The following C16orf74 variants were observed in gnomAD, a reference collection of about 807,000 sequenced individuals.
C16orf74 encodes calcimembrin.
In C16orf74, 10 loss-of-function variants were observed where a neutral mutation model predicts 6.5. That is an observed-to-expected ratio of 1.54 (90% CI 0.95 to 2.61). C16orf74 has a LOEUF of 2.61. Ranked by LOEUF, C16orf74 falls within the 30% of genes most tolerant of loss-of-function variation. The pLI, the probability that C16orf74 is intolerant of heterozygous loss-of-function variation, is 0.00. For missense variants in C16orf74, 141 were observed against 105.9 expected (o/e 1.33, Z -1.45); for synonymous variants, 60 against 42.5 (o/e 1.41, Z -1.60).
intron 2 of C16orf74, among the ~76,000 whole-genome samples, chr16:85,726,298 G>A (rs1294976045): frequency 6.6e-6 from 1 of 152,220 alleles, no homozygotes; most frequent in Non-Finnish European, 1.5e-5. Flanking sequence ...AGGGCTGAGT[G>A]TGCTGCCTGG....
At chr16:85,719,022 G>T (rs2054052656) in intron 2 of C16orf74, among the ~76,000 whole-genome samples, 1 of 152,228 alleles carries the variant, frequency 6.6e-6, no homozygotes, top group Non-Finnish European at 1.5e-5. Context: ...AATGGCCAGG[G>T]GCTTGGGAAG....
rs771741917 is a variant in C16orf74 at position 85,710,183 on chromosome 16, C to G, written c.153G>C (p.Pro51=). Reference sequence around the variant, plus strand: ...CCTCACCTGTGCTCCCCAAGTCCCTCGGCAGCATCATGCCCGTGGGGGTGG... The same window carrying G: ...CCTCACCTGTGCTCCCCAAGTCCCTGGGCAGCATCATGCCCGTGGGGGTGG... ...TPPTPTGMML[P]RDLGSTVWLD... is the part of the protein sequence containing the mutation. The change falls in exon 3 of 4, where the codon CCG becomes CCC. Residue 51 remains proline, a synonymous_variant. Coordinates refer to ENST00000284245, the MANE Select transcript of C16orf74 (RefSeq NM_206967.3). The G allele has an allele frequency of 2.7e-6, 4 of 1,470,678 alleles. No individual in the cohort carries two copies. In the South Asian group the frequency reaches 5.9e-5, roughly 22 times the overall value. 91.1% of individuals were successfully genotyped at this position (1,470,678 alleles called of 1,614,324 possible).
chr16:85,741,336 G>A (rs943672029), intron 1 of C16orf74, among the ~76,000 whole-genome samples: 2 of 152,186 alleles, frequency 1.3e-5, no homozygotes, highest in South Asian at 4.1e-4. Flanking sequence ...GGTTTTCTCT[G>A]AACAGCTGTC....
chr16:85,740,590 G>A (rs1430502835), intron 1 of C16orf74, among the ~76,000 whole-genome samples: 1 of 151,602 alleles, frequency 6.6e-6, no homozygotes, highest in Non-Finnish European at 1.5e-5. Context: ...TACTAGAGAC[G>A]CTGAGGCAGA....
chr16:85,714,683 C>T (rs1275459737), intron 2 of C16orf74, among the ~76,000 whole-genome samples: 1 of 150,636 alleles, frequency 6.6e-6, no homozygotes, highest in Non-Finnish European at 1.5e-5. Flanking sequence ...CTCCCAAAGT[C>T]CTGGGATTAC....
intron 1 of C16orf74, among the ~76,000 whole-genome samples, chr16:85,745,673 G>C (rs968969049): frequency 2.0e-5 from 3 of 150,508 alleles, no homozygotes; most frequent in African/African-American, 7.3e-5. Context: ...CAAAGACACA[G>C]AATCTCCCGC....
intron 1 of C16orf74, among the ~76,000 whole-genome samples, chr16:85,748,138 ATG>A (rs1242381007): frequency 5.9e-4 from 38 of 64,902 alleles, no homozygotes; most frequent in Non-Finnish European, 4.8e-4. Flanking sequence ...GTATATATAT[ATG>A]TGTGTGTATA....
At chr16:85,742,359 C>G (rs367736904) in intron 1 of C16orf74, among the ~76,000 whole-genome samples, 4 of 151,978 alleles carry the variant, frequency 2.6e-5, no homozygotes, top group Non-Finnish European at 5.9e-5. Context: ...GGTGACAGAG[C>G]GAGACTCCGT....
intron 2 of C16orf74, among the ~76,000 whole-genome samples, chr16:85,721,296 G>C (rs1302416559): frequency 1.3e-5 from 2 of 151,408 alleles, no homozygotes; most frequent in South Asian, 4.2e-4. Context: ...CCTAGCCTTG[G>C]CGCTGCTAAC....
chr16:85,728,955 T>C (rs1156601042), intron 2 of C16orf74, among the ~76,000 whole-genome samples: 1 of 152,232 alleles, frequency 6.6e-6, no homozygotes, highest in Non-Finnish European at 1.5e-5. Flanking sequence ...CCTGACTCAG[T>C]TGATCCAGTG....
At chr16:85,740,075 T>TGGC (rs2054286624) in intron 1 of C16orf74, among the ~76,000 whole-genome samples, 1 of 148,034 alleles carries the variant, frequency 6.8e-6, no homozygotes, top group African/African-American at 2.5e-5. Context: ...CCAGGCGTGG[T>TGGC]GGCAGGCACC....
intron 2 of C16orf74, among the ~76,000 whole-genome samples, chr16:85,716,448 A>G (rs1270230566): frequency 8.1e-6 from 1 of 123,526 alleles, no homozygotes; most frequent in Non-Finnish European, 1.7e-5. Context: ...GAGGAAGGGA[A>G]GGAAGAGAGG....
intron 3 of C16orf74, among the ~76,000 whole-genome samples, chr16:85,709,877 G>C (rs1032025943): frequency 6.6e-6 from 1 of 151,386 alleles, no homozygotes; most frequent in African/African-American, 2.4e-5. Context: ...TACCTTGGCT[G>C]GCCGGAGCCG....
At position 85,708,037 on chromosome 16, in the gene C16orf74, C is replaced by A. The variant is rs763000792; in HGVS notation, c.202G>T (p.Asp68Tyr). 6.4e-7 allele frequency: 1 copy of A among 1,553,472 alleles called. No individual in the cohort carries two copies. Among genetic ancestry groups the A allele is most frequent in the South Asian group, 1.2e-5 (1 of 84,138 alleles). The change falls in exon 4 of 4, where the codon GAT (aspartate) becomes TAT (tyrosine). Residue 68 changes from aspartate (D) to tyrosine (Y), a missense_variant. Asp to Tyr is a radical substitution (Grantham distance 160, BLOSUM62 -3). Transcript: ENST00000284245. ...GCTTCTGGGTCGATTTCTCCATCAT[C>A]TGGGCACGACCCTGTCTCATCCAGC... is the stretch of plus-strand genomic sequence containing the variant. ...VWLDETGSCP[D>Y]DGEIDPEA
chr16:85,710,627 A>G (rs2053960367), intron 2 of C16orf74: 1 of 303,944 alleles, frequency 3.3e-6, no homozygotes, highest in African/African-American at 2.2e-5. Flanking sequence ...ATTCCCGGCC[A>G]CCAGCCCCCA....
chr16:85,712,835 G>C (rs1250241313), intron 2 of C16orf74, among the ~76,000 whole-genome samples: 1 of 152,218 alleles, frequency 6.6e-6, no homozygotes, highest in Non-Finnish European at 1.5e-5. Flanking sequence ...GGAATATCTT[G>C]CCTGATAGGA....
At chr16:85,715,368 C>G (rs550982502) in intron 2 of C16orf74, among the ~76,000 whole-genome samples, 6 of 152,280 alleles carry the variant, frequency 3.9e-5, no homozygotes, top group East Asian at 1.9e-4. Flanking sequence ...GTGTCACCAG[C>G]CCCATCTTAC....
Position 85,714,108 on chromosome 16 carries a change from T to C in C16orf74, c.29-3801A>G, listed in dbSNP as rs557569109. 1.1e-4 allele frequency among the ~76,000 whole-genome samples: 17 copies of C among 152,252 alleles called. 2 individuals are homozygous for C. In the South Asian group the frequency reaches 3.5e-3, roughly 32 times the overall value. ...GCCCCACTTCTGTTAGTCTAACTCT[T>C]TGCAGCCTTCTTGTTTTCACAGACA... On this transcript the variant is annotated intron_variant, in intron 2 of 3. Coordinates refer to ENST00000284245, the MANE Select transcript of C16orf74 (RefSeq NM_206967.3).
intron 3 of C16orf74, among the ~76,000 whole-genome samples, chr16:85,709,051 C>T (rs1038325571): frequency 5.9e-5 from 9 of 152,250 alleles, no homozygotes; most frequent in Non-Finnish European, 1.2e-4. Context: ...CCTCTCTCAA[C>T]CTTAGTTTAC....
Sources: gnomAD v4.1 joint callset for allele counts (sites outside exome capture counted in the v4.1 genomes callset) on GRCh38, gnomAD v4.1.1 for gene constraint, MANE v1.5 for transcripts, NCBI Gene and HGNC (gene_info 2026-07-23, HGNC 2026-07-21) for gene names.